Variants in POMGNT1 observed in about 807,000 individuals in gnomAD.
The protein encoded by POMGNT1 is protein O-linked mannose N-acetylglucosaminyltransferase 1 (beta 1,2-).
POMGNT1 carries 67 observed loss-of-function variants against 95.6 expected under a neutral mutation model. The ratio of observed to expected loss-of-function variants is 0.70; its 90% CI spans 0.58 to 0.86. POMGNT1 has a LOEUF of 0.86. Ranked by LOEUF, POMGNT1 falls within the 40% of genes least tolerant of loss-of-function variation. The pLI is 0.00. For synonymous variants in POMGNT1, 298 were observed against 317.9 expected, an observed-to-expected ratio of 0.94 and a Z score of 0.66; for missense variants, 719 against 855.2, an observed-to-expected ratio of 0.84 and a Z score of 1.99.
upstream of POMGNT1, among the ~76,000 whole-genome samples, chr1:46,202,680 G>A (rs116276635): frequency 0.032 from 3,679 of 113,556 alleles, 71 homozygotes; most frequent in African/African-American, 0.054. Context: ...CTGGGCGACA[G>A]AGCGAGACTC....
Position 46,190,555 on chromosome 1 carries a change from G to A in POMGNT1, c.1605-38C>T, listed in dbSNP as rs553844449. The A allele has an allele frequency of 3.8e-6, 6 of 1,563,210 alleles. No individual in the cohort carries two copies. The South Asian group carries it at 5.6e-5, about 14-fold the overall frequency. On this transcript the variant is annotated intron_variant, in intron 18 of 21. Coordinates refer to ENST00000371984, the MANE Select transcript of POMGNT1 (RefSeq NM_017739.4). ...GAGAAATGGGTCAGGGGAGTGGGCA[G>A]GCCCTCAGGTCCCATGGGTAGCACT...
At chr1:46,220,210 CCTT>C (rs767042150) in exon 1 of POMGNT1, 38 of 1,606,080 alleles carry the variant, frequency 2.4e-5, no homozygotes, top group Non-Finnish European at 3.2e-5. Flanking sequence ...GATGATGTGA[CCTT>C]CTTGTAACAA....
In POMGNT1 at chr1:46,197,863, T is replaced by C. The variant is rs981967658; in HGVS notation, c.-42A>G. On this transcript the variant is annotated 5_prime_UTR_variant, in exon 2 of 22. Transcript: ENST00000371984. ...ACCAATGTCCTGGCCAGCCCATGAC[T>C]TCAGGAATCTGAAGGGACCAGAGGG... The C allele has an allele frequency of 6.2e-7, 1 of 1,612,746 alleles. No homozygotes were observed. The highest frequency in any genetic ancestry group is 8.5e-7 in the Non-Finnish European group (1 of 1,179,834).
At chr1:46,220,133 T>C (rs1255320068) in exon 1 of POMGNT1, 2 of 1,614,070 alleles carry the variant, frequency 1.2e-6, no homozygotes, top group Admixed American at 3.3e-5. Flanking sequence ...GTGGACCACC[T>C]GAGTCACCAG....
intron 1 of POMGNT1, among the ~76,000 whole-genome samples, chr1:46,211,083 T>C (rs1250060979): frequency 2.0e-5 from 3 of 152,098 alleles, no homozygotes; most frequent in Admixed American, 2.0e-4. Flanking sequence ...CCTGGTCCTT[T>C]GGGCCTTTTA....
intron 1 of POMGNT1, among the ~76,000 whole-genome samples, chr1:46,212,447 A>T (rs1364853207): frequency 1.3e-5 from 2 of 151,428 alleles, no homozygotes; most frequent in Non-Finnish European, 2.9e-5. Flanking sequence ...CGCCCAGCGA[A>T]TTTTTTTGTA....
Position 46,188,844 on chromosome 1 carries a change from C to G in POMGNT1, c.*426G>C, listed in dbSNP as rs757216968. On this transcript the variant is annotated 3_prime_UTR_variant, in exon 22 of 22. Transcript: ENST00000371984. The stretch of plus-strand genomic sequence containing the variant: ...GCTGGGCCTGTCCATGGGTTGGGCA[C>G]AGCAGTTTCCTGAGTAAGAGCCAGC... 3.1e-6 allele frequency: 5 copies of G among 1,612,924 alleles called. No individual in the cohort carries two copies. The highest frequency in any genetic ancestry group is 4.2e-6 in the Non-Finnish European group (5 of 1,179,906).
Position 46,215,793 on chromosome 1 carries a change from A to G in POMGNT1, c.-51+3912T>C, listed in dbSNP as rs1387762528. Reference sequence around the variant, plus strand: ...CATGCCTGTAGTCCAGCTACTTAGGAGGCTGAGGCAGGAGGGTTGCTTGAG... The same window carrying G: ...CATGCCTGTAGTCCAGCTACTTAGGGGGCTGAGGCAGGAGGGTTGCTTGAG... On this transcript the variant is annotated intron_variant, in intron 1 of 22. Transcript: ENST00000371992. 2.6e-5 allele frequency among the ~76,000 whole-genome samples: 4 copies of G among 152,230 alleles called. No individual in the cohort carries two copies. In the South Asian group the frequency reaches 6.2e-4, roughly 24 times the overall value.
chr1:46,195,769 G>C, intron 6 of POMGNT1, 42 bp downstream of exon 6: 1 of 1,530,098 alleles, frequency 6.5e-7, no homozygotes, highest in Non-Finnish European at 8.9e-7. Flanking sequence ...AGCAGGGTTG[G>C]AGCTAGGGAG....
chr1:46,197,885 A>G lies in POMGNT1; in HGVS notation c.-50-14T>C, dbSNP rs1156737651. The G allele has an allele frequency of 1.6e-5, 26 of 1,609,848 alleles. 1 individual carries two copies. The Admixed American group carries it at 4.3e-4, about 27-fold the overall frequency. On this transcript the variant is annotated splice_polypyrimidine_tract_variant and intron_variant, in intron 1 of 21. Transcript: ENST00000371984. ...GACTTCAGGAATCTGAAGGGACCAG[A>G]GGGCCACATGGGGTAAGATGCTCCT...
chr1:46,203,294 C>T (rs1242839432), upstream of POMGNT1: 3 of 574,446 alleles, frequency 5.2e-6, no homozygotes, highest in Admixed American at 7.7e-5. Context: ...TGTTACGGCG[C>T]CCTCCTCCCG....
chr1:46,203,520 C>T, intron 1 of POMGNT1: 1 of 1,560,332 alleles, frequency 6.4e-7, no homozygotes, highest in South Asian at 1.2e-5. Flanking sequence ...CCGCGGGCTG[C>T]GAGGCGAGTG....
At position 46,192,524 on chromosome 1, in the gene POMGNT1, A is replaced by T. The variant is rs1657864731; in HGVS notation, c.1278T>A (p.Asn426Lys). 6.2e-7 allele frequency: 1 copy of T among 1,614,062 alleles called. No homozygotes were observed. The highest frequency in any genetic ancestry group is 8.5e-7 in the Non-Finnish European group (1 of 1,180,034). The change falls in exon 15 of 22, where the codon AAT (asparagine) becomes AAA (lysine). Residue 426 changes from asparagine to lysine, a missense_variant. By Grantham distance (94) the Asn-to-Lys change is moderately conservative (BLOSUM62 0). This residue lies in a region of POMGNT1 where 118 missense variants were observed against 153.6 expected (regional missense o/e 0.77). Coordinates refer to ENST00000371984, the MANE Select transcript of POMGNT1 (RefSeq NM_017739.4). ...CCTGGTCATTCCAGCCTACCTGGTC[A>T]TTCCAGGCAGAGATGCAGTACAGGC... ...DDSLYCISAW[N>K]DQGYEHTAED...
rs2148172303 is a variant in POMGNT1 at position 46,190,493 on chromosome 1, C to T, written c.1629G>A (p.Val543=). 2 of 1,607,490 alleles carry T rather than the reference C, an allele frequency of 1.2e-6. No individual in the cohort carries two copies. Among genetic ancestry groups the T allele is most frequent in the East Asian group, 2.2e-5 (1 of 44,844 alleles). The stretch of plus-strand genomic sequence containing the variant: ...CATACCTGAGCAGCCTGTGAACTTC[C>T]ACTTCATAAGCTTCTTTCTTCAGAC... ...VDSLKKEAYE[V]EVHRLLSEAE... Residue 543 remains valine, a synonymous_variant, in exon 19 of 22, where the codon GTG becomes GTA. Transcript: ENST00000371984.
In POMGNT1 at chr1:46,189,236, C is replaced by T. The variant is rs200540049; in HGVS notation, c.*34G>A. ...AAGGGCTAGCCAGCCTGGGGGTACA[C>T]AGTACCCAGCCCCGCAGGGTCCTGG... is the stretch of plus-strand genomic sequence containing the variant. On this transcript the variant is annotated 3_prime_UTR_variant, in exon 22 of 22. Transcript: ENST00000371984. The T allele has an allele frequency of 5.8e-4, 929 of 1,600,536 alleles. 13 individuals are homozygous for T. Among genetic ancestry groups the T allele is most frequent in the Middle Eastern group, 1.7e-4 (1 of 5,952 alleles).
intron 14 of POMGNT1, 124 bp downstream of exon 14, chr1:46,192,776 A>G: frequency 1.3e-6 from 2 of 1,582,672 alleles, no homozygotes; most frequent in Non-Finnish European, 1.7e-6. Context: ...CTGCCATCCT[A>G]CCTTTGCCCA....
chr1:46,198,772 C>A (rs914443282), upstream of POMGNT1, among the ~76,000 whole-genome samples: 9 of 152,294 alleles, frequency 5.9e-5, no homozygotes, highest in African/African-American at 1.9e-4. Context: ...AGGGCACACA[C>A]CACCCGCCCC....
chr1:46,216,281 C>T (rs1455504509), intron 1 of POMGNT1, among the ~76,000 whole-genome samples: 2 of 151,896 alleles, frequency 1.3e-5, no homozygotes, highest in African/African-American at 4.8e-5. Context: ...CTCCTGACCT[C>T]GTGATCCACC....
At chr1:46,191,037 A>G in intron 17 of POMGNT1, 1 of 463,736 alleles carries the variant, frequency 2.2e-6, no homozygotes, top group Non-Finnish European at 4.1e-6. Flanking sequence ...CAGACCCATG[A>G]ACTAGCAGTC....
Sources: allele counts gnomAD v4.1 joint callset (sites outside exome capture counted in the v4.1 genomes callset), GRCh38; gene constraint gnomAD v4.1.1; regional missense constraint gnomAD v4.1.1; transcripts MANE v1.5; gene names NCBI Gene and HGNC (gene_info 2026-07-23, HGNC 2026-07-21).